AMDHD1: variants seen among roughly 807,000 people sequenced by gnomAD.
The protein encoded by AMDHD1 is amidohydrolase domain containing 1.
AMDHD1 carries 45 observed loss-of-function variants against 44.1 expected under a neutral mutation model. That is an observed-to-expected ratio of 1.02 (90% confidence interval 0.80 to 1.31). The LOEUF (loss-of-function observed/expected upper bound fraction) is 1.31. Among genes scored for constraint, AMDHD1 ranks in the 50% most tolerant of loss-of-function variants. The probability of loss-of-function intolerance (pLI) is 0.00; values close to 1 mark genes in which losing one functional copy is unlikely to be tolerated. For synonymous variants in AMDHD1, 206 were observed against 205.0 expected, an observed-to-expected ratio of 1.00 and a Z score of -0.04; for missense variants, 586 against 552.1, an observed-to-expected ratio of 1.06 and a Z score of -0.61.
intron 1 of AMDHD1, among the ~76,000 whole-genome samples, chr12:95,945,527 T>C (rs1043110319): frequency 6.6e-5 from 10 of 152,220 alleles, no homozygotes; most frequent in Non-Finnish European, 1.5e-4. Context: ...TCCCACCTCA[T>C]TATCTGAATG....
intron 1 of AMDHD1, among the ~76,000 whole-genome samples, chr12:95,946,059 C>T (rs892240278): frequency 7.0e-6 from 1 of 142,536 alleles, no homozygotes; most frequent in Non-Finnish European, 1.5e-5. Context: ...CTCTCTTTCT[C>T]TCTGTGTGTG....
intron 1 of AMDHD1, among the ~76,000 whole-genome samples, chr12:95,951,544 T>C (rs2080525855): frequency 6.6e-6 from 1 of 152,220 alleles, no homozygotes; most frequent in Non-Finnish European, 1.5e-5. Flanking sequence ...AGTGCTGCAA[T>C]TAACATGGGA....
chr12:95,945,627 A>G (rs1417106134), intron 1 of AMDHD1, among the ~76,000 whole-genome samples: 1 of 152,218 alleles, frequency 6.6e-6, no homozygotes, highest in Admixed American at 6.5e-5. Context: ...CTGTGTGTTC[A>G]AGGACAACTT....
chr12:95,964,526 G>C (rs1186628015), intron 6 of AMDHD1, among the ~76,000 whole-genome samples: 1 of 151,984 alleles, frequency 6.6e-6, no homozygotes, highest in Non-Finnish European at 1.5e-5. Flanking sequence ...AAGGGGGGGA[G>C]GGCCATTCAA....
At chr12:95,963,672 C>G (rs1293531692) in intron 6 of AMDHD1, among the ~76,000 whole-genome samples, 1 of 152,176 alleles carries the variant, frequency 6.6e-6, no homozygotes, top group Non-Finnish European at 1.5e-5. Flanking sequence ...TCTAAGTCAT[C>G]AATCAATATT....
intron 1 of AMDHD1, 126 bp downstream of exon 1, chr12:95,943,661 C>A: frequency 7.8e-7 from 1 of 1,288,592 alleles, no homozygotes; most frequent in Non-Finnish European, 1.0e-6. Flanking sequence ...ACGGGCAAGC[C>A]AGCCTTTGGG....
At chr12:95,957,045 C>T in intron 4 of AMDHD1, 83 bp downstream of exon 4, 3 of 1,554,794 alleles carry the variant, frequency 1.9e-6, no homozygotes, top group Admixed American at 3.5e-5. Context: ...AGCACTTTAG[C>T]TCTTGCAGGG....
chr12:95,956,748 C>A lies in AMDHD1; in HGVS notation c.373C>A (p.Arg125Ser). 2 of 1,614,156 alleles carry A rather than the reference C, an allele frequency of 1.2e-6. No individual in the cohort carries two copies. Among genetic ancestry groups the A allele is most frequent in the Non-Finnish European group, 1.7e-6 (2 of 1,180,046 alleles). ...AGGAGGGATCCACTTTACCGTGGAG[C>A]GCACGCGCCAAGCCACAGAGGAGGA... ...AGGGIHFTVE[R>S]TRQATEEELF... Residue 125 changes from arginine (R) to serine (S), a missense_variant, in exon 4 of 9, where the codon CGC becomes AGC. Transcript: ENST00000266736.
chr12:95,945,794 TC>T (rs1385851509), intron 1 of AMDHD1, among the ~76,000 whole-genome samples: 2 of 143,632 alleles, frequency 1.4e-5, no homozygotes, highest in Non-Finnish European at 3.0e-5. Context: ...TTTTTTTTTT[TC>T]CCAACAAGTA....
chr12:95,947,675 G>A (rs1476155042), intron 1 of AMDHD1, among the ~76,000 whole-genome samples: 5 of 57,206 alleles, frequency 8.7e-5, no homozygotes, highest in Non-Finnish European at 1.2e-4. Flanking sequence ...GGTGAGGGGC[G>A]CCTCTGCCCG....
intron 8 of AMDHD1, 145 bp from the exon 9 acceptor site, chr12:95,967,611 G>A (rs561230014): frequency 1.0e-5 from 6 of 601,694 alleles, no homozygotes; most frequent in Middle Eastern, 4.3e-4. Flanking sequence ...AGTTATATAC[G>A]GTTTTTTAGA....
chr12:95,961,624 C>T (rs1436833147), intron 5 of AMDHD1, among the ~76,000 whole-genome samples: 1 of 152,212 alleles, frequency 6.6e-6, no homozygotes. Flanking sequence ...CCATTTTCTG[C>T]TTCAGTAAAT....
intron 4 of AMDHD1, among the ~76,000 whole-genome samples, chr12:95,959,819 G>A (rs1282157975): frequency 2.7e-5 from 3 of 113,026 alleles, no homozygotes; most frequent in South Asian, 2.8e-4. Flanking sequence ...TTTTTGAGGC[G>A]GAGTCTTGCT....
intron 4 of AMDHD1, among the ~76,000 whole-genome samples, chr12:95,959,744 G>A (rs1331203089): frequency 1.3e-5 from 2 of 151,600 alleles, no homozygotes; most frequent in African/African-American, 2.4e-5. Flanking sequence ...GTCATCAGGG[G>A]GAGTATCCAG....
intron 3 of AMDHD1, 124 bp downstream of exon 3, chr12:95,955,099 T>A: frequency 1.1e-6 from 1 of 928,908 alleles, no homozygotes; most frequent in Non-Finnish European, 1.7e-6. Context: ...TATTTTTACT[T>A]GCTTGGGTAT....
At chr12:95,951,430 T>A (rs1592822037) in intron 1 of AMDHD1, among the ~76,000 whole-genome samples, 1 of 152,368 alleles carries the variant, frequency 6.6e-6, no homozygotes, top group African/African-American at 2.4e-5. Context: ...TCACTCTTTT[T>A]TATGGCTGAA....
Position 95,943,452 on chromosome 12 carries a change from G to A in AMDHD1, c.54G>A (p.Val18=), listed in dbSNP as rs1303103849. The part of the protein sequence containing the change: ...LLENAQQVVL[V]CARGERFLAR... ...AGAACGCGCAGCAAGTGGTGCTGGT[G>A]TGCGCCCGCGGCGAGCGCTTCCTGG... The change falls in exon 1 of 9, where the codon GTG becomes GTA. Residue 18 remains valine, a synonymous_variant. Transcript: ENST00000266736. 2.0e-6 allele frequency: 3 copies of A among 1,504,826 alleles called. No homozygotes were observed. The highest frequency in any genetic ancestry group is 1.9e-4 in the Middle Eastern group (1 of 5,330). The allele number at this position is 1,504,826 out of a possible 1,614,324, so 93.2% of individuals were successfully genotyped here. A position where few individuals can be genotyped will look rare whatever the true frequency, so the allele number is the denominator to read the frequency against.
At chr12:95,949,160 G>GAAAAAAAAAAAAAAAAAAAAAA (rs1358481972) in intron 1 of AMDHD1, among the ~76,000 whole-genome samples, 3 of 101,774 alleles carry the variant, frequency 2.9e-5, no homozygotes, top group Non-Finnish European at 4.5e-5. Context: ...AAAAAAAAAA[G>GAAAAAAAAAAAAAAAAAAAAAA]AAAAAAAAAA....
chr12:95,955,738 A>G (rs2080546318), intron 3 of AMDHD1, among the ~76,000 whole-genome samples: 1 of 152,176 alleles, frequency 6.6e-6, no homozygotes. Flanking sequence ...CACCAGCTGG[A>G]GGATGGCAGA....
Sources: gnomAD v4.1 joint callset for allele counts (sites outside exome capture counted in the v4.1 genomes callset) on GRCh38, gnomAD v4.1.1 for gene constraint, MANE v1.5 for transcripts, NCBI Gene and HGNC (gene_info 2026-07-23, HGNC 2026-07-21) for gene names.